Variants in LPAR3 observed in about 807,000 individuals in gnomAD.
LPAR3 encodes lysophosphatidic acid receptor 3, also known as LPA receptor 3.
A neutral mutation model predicts 17.8 loss-of-function variants in LPAR3; 7 were observed. That is an observed-to-expected ratio of 0.39 (90% CI 0.22 to 0.74). The LOEUF is 0.74. Ranked by LOEUF, LPAR3 falls within the 30% of genes least tolerant of loss-of-function variation. The pLI is 0.40. For synonymous variants in LPAR3, 179 were observed against 179.9 expected, an observed-to-expected ratio of 0.99 and a Z score of 0.04; for missense variants, 391 against 453.4, an observed-to-expected ratio of 0.86 and a Z score of 1.25.
intron 2 of LPAR3, among the ~76,000 whole-genome samples, chr1:84,857,946 T>C (rs1020960381): frequency 2.0e-5 from 3 of 152,180 alleles, no homozygotes; most frequent in Non-Finnish European, 4.4e-5. Flanking sequence ...ATATTAACTA[T>C]TAATAATTTT....
chr1:84,875,469 G>C (rs1035829275), intron 1 of LPAR3, among the ~76,000 whole-genome samples: 1 of 152,124 alleles, frequency 6.6e-6, no homozygotes, highest in African/African-American at 2.4e-5. Context: ...TATCACAGGA[G>C]TGGGCTCCTG....
At chr1:84,869,764 A>G (rs1264987417) in intron 1 of LPAR3, among the ~76,000 whole-genome samples, 1 of 152,236 alleles carries the variant, frequency 6.6e-6, no homozygotes, top group African/African-American at 2.4e-5. Context: ...TATCTTCTAC[A>G]ATTATGGCTT....
At chr1:84,860,990 C>T (rs886084374) in intron 2 of LPAR3, among the ~76,000 whole-genome samples, 2 of 152,212 alleles carry the variant, frequency 1.3e-5, no homozygotes, top group African/African-American at 2.4e-5. Context: ...CCGCCCGCCT[C>T]GGCCTCCCAG....
intron 2 of LPAR3, among the ~76,000 whole-genome samples, chr1:84,827,373 G>C (rs1659179375): frequency 6.6e-6 from 1 of 152,116 alleles, no homozygotes; most frequent in East Asian, 1.9e-4. Flanking sequence ...ATGTATTATG[G>C]GGGTAGGGGT....
chr1:84,867,982 T>C (rs1283853441), intron 1 of LPAR3, among the ~76,000 whole-genome samples: 1 of 152,202 alleles, frequency 6.6e-6, no homozygotes, highest in Non-Finnish European at 1.5e-5. Flanking sequence ...TGCATTCTTG[T>C]TCATTAATCT....
At position 84,813,772 on chromosome 1, in the gene LPAR3, G is replaced by A. The variant is rs1010525822; in HGVS notation, c.*74C>T. ...TCAAATAACACTGTACATGGGCTTTGTTAGAGACAGGTAATCATTCTTAAC... is the reference window on the plus strand; with the variant it reads ...TCAAATAACACTGTACATGGGCTTTATTAGAGACAGGTAATCATTCTTAAC... On this transcript the variant is annotated 3_prime_UTR_variant, in exon 3 of 3. Transcript: ENST00000370611. 25 of 1,218,314 alleles carry A rather than the reference G, an allele frequency of 2.1e-5. No individual in the cohort carries two copies. In the Middle Eastern group the frequency reaches 5.9e-4, roughly 29 times the overall value. The allele number at this position is 1,218,314 out of a possible 1,614,324, so 75.5% of individuals were successfully genotyped here. A position where few individuals can be genotyped will look rare whatever the true frequency, so the allele number is the denominator to read the frequency against.
intron 2 of LPAR3, among the ~76,000 whole-genome samples, chr1:84,862,335 T>C (rs1011761473): frequency 2.6e-5 from 4 of 152,220 alleles, no homozygotes; most frequent in African/African-American, 9.6e-5. Context: ...GACAAAAAGA[T>C]GAGCGTAAAA....
At chr1:84,886,903 T>C (rs996958706) in intron 1 of LPAR3, among the ~76,000 whole-genome samples, 4 of 152,084 alleles carry the variant, frequency 2.6e-5, no homozygotes, top group African/African-American at 4.8e-5. Context: ...ATTGGCCAAA[T>C]TGAGCACAAT....
Position 84,813,731 on chromosome 1 carries a change from G to T in LPAR3, c.*115C>A. ...AAAAATTTTTTAAAGAAATCTAGCA[G>T]TGATTAATGGAGACCTCAAATAACA... On this transcript the variant is annotated 3_prime_UTR_variant, in exon 3 of 3. Coordinates refer to ENST00000370611, the MANE Select transcript of LPAR3 (RefSeq NM_012152.3). The T allele has an allele frequency of 1.2e-6, 1 of 853,064 alleles. No individual in the cohort carries two copies. The highest frequency in any genetic ancestry group is 1.8e-6 in the Non-Finnish European group (1 of 563,540). 52.8% of individuals were successfully genotyped at this position (853,064 alleles called of 1,614,324 possible).
intron 2 of LPAR3, among the ~76,000 whole-genome samples, chr1:84,857,920 G>A (rs962369786): frequency 6.6e-6 from 1 of 152,176 alleles, no homozygotes; most frequent in African/African-American, 2.4e-5. Context: ...TCAGAACCAT[G>A]TATACCCCAC....
intron 2 of LPAR3, among the ~76,000 whole-genome samples, chr1:84,838,787 G>A (rs1199046865): frequency 6.6e-6 from 1 of 152,160 alleles, no homozygotes; most frequent in African/African-American, 2.4e-5. Context: ...CGGACAGGCA[G>A]GTGTTCATGA....
intron 2 of LPAR3, among the ~76,000 whole-genome samples, chr1:84,839,652 C>A (rs1659472316): frequency 6.6e-6 from 1 of 151,754 alleles, no homozygotes; most frequent in Non-Finnish European, 1.5e-5. Flanking sequence ...GATGACAGAG[C>A]AGGACCCTGT....
At chr1:84,832,320 A>G (rs889361865) in intron 2 of LPAR3, among the ~76,000 whole-genome samples, 8 of 152,184 alleles carry the variant, frequency 5.3e-5, no homozygotes, top group Non-Finnish European at 1.2e-4. Flanking sequence ...AATCTCTGTA[A>G]TAAGTGTCGG....
At chr1:84,841,638 A>G (rs1033675961) in intron 2 of LPAR3, among the ~76,000 whole-genome samples, 3 of 152,228 alleles carry the variant, frequency 2.0e-5, no homozygotes, top group Non-Finnish European at 2.9e-5. Flanking sequence ...TCCCTCTTCT[A>G]TGGTAACTGC....
chr1:84,850,411 A>AAAAAAAG (rs1659679957), intron 2 of LPAR3, among the ~76,000 whole-genome samples: 2 of 151,186 alleles, frequency 1.3e-5, no homozygotes, highest in Non-Finnish European at 3.0e-5. Context: ...AAAAAAAAAA[A>AAAAAAAG]AAAAAAGAAA....
At position 84,865,865 on chromosome 1, in the gene LPAR3, G is replaced by C. The variant is rs1442235341; in HGVS notation, c.256C>G (p.Leu86Val). 6.2e-7 allele frequency: 1 copy of C among 1,614,132 alleles called. No individual in the cohort carries two copies. The change falls in exon 2 of 3, where the codon CTG becomes GTG. Residue 86 changes from leucine (L) to valine (V), a missense_variant. Coordinates refer to ENST00000370611, the MANE Select transcript of LPAR3 (RefSeq NM_012152.3). ...GAAACTGGGCCTGTGTTAAACATCA[G>C]GAATACATAGGCAATTCCAGCGAAG... The part of the protein sequence containing the change: ...DFFAGIAYVF[L>V]MFNTGPVSKT...
intron 2 of LPAR3, among the ~76,000 whole-genome samples, chr1:84,864,850 C>G (rs1246279453): frequency 6.6e-6 from 1 of 152,108 alleles, no homozygotes; most frequent in Non-Finnish European, 1.5e-5. Context: ...CCTACATTAT[C>G]TGAGTAGCCC....
At chr1:84,838,806 C>G (rs779468856) in intron 2 of LPAR3, among the ~76,000 whole-genome samples, 1 of 152,176 alleles carries the variant, frequency 6.6e-6, no homozygotes, top group African/African-American at 2.4e-5. Flanking sequence ...GACTTCTCCC[C>G]GACTGACCCG....
At chr1:84,873,000 A>T (rs753891218) in intron 1 of LPAR3, among the ~76,000 whole-genome samples, 16 of 152,178 alleles carry the variant, frequency 1.1e-4, no homozygotes, top group Non-Finnish European at 1.8e-4. Flanking sequence ...ACATCAGCTA[A>T]ATCGCAGTTG....
Sources: gnomAD v4.1 joint callset for allele counts (sites outside exome capture counted in the v4.1 genomes callset) on GRCh38, gnomAD v4.1.1 for gene constraint, MANE v1.5 for transcripts, NCBI Gene and HGNC (gene_info 2026-07-23, HGNC 2026-07-21) for gene names.